The following ANKFN1 variants were observed in gnomAD, a reference collection of about 807,000 sequenced individuals.
ANKFN1 encodes ankyrin repeat and fibronectin type-III domain-containing protein 1.
A neutral mutation model predicts 108.7 loss-of-function variants in ANKFN1; 74 were observed. That is an observed-to-expected ratio of 0.68 (90% confidence interval 0.56 to 0.83). ANKFN1 has a LOEUF of 0.83. ANKFN1 is among the 40% of genes least tolerant of loss of function. The pLI is 0.00. For missense variants in ANKFN1, 1,505 were observed against 1,382.3 expected (o/e 1.09, Z -1.41); for synonymous variants, 547 against 516.2 (o/e 1.06, Z -0.81).
intron 20 of ANKFN1, among the ~76,000 whole-genome samples, chr17:56,499,848 G>T (rs1197972461): frequency 1.3e-5 from 2 of 152,086 alleles, no homozygotes; most frequent in East Asian, 3.9e-4. Context: ...CCATGCTAAG[G>T]CTAGTGCCAT....
chr17:56,120,786 C>T (rs988281396), intron 4 of ANKFN1, among the ~76,000 whole-genome samples: 1 of 152,088 alleles, frequency 6.6e-6, no homozygotes, highest in East Asian at 1.9e-4. Context: ...ATTATCAGCT[C>T]CATTTCTTAA....
intron 8 of ANKFN1, among the ~76,000 whole-genome samples, chr17:56,418,453 TAAAATA>T (rs1598571934): frequency 6.6e-6 from 1 of 151,978 alleles, no homozygotes; most frequent in African/African-American, 2.4e-5. Context: ...AAGAAAAGAG[TAAAATA>T]AAAATGAAAA....
chr17:56,082,753 C>G (rs111810996), intron 4 of ANKFN1, among the ~76,000 whole-genome samples: 18 of 152,282 alleles, frequency 1.2e-4, no homozygotes, highest in African/African-American at 4.1e-4. Flanking sequence ...TCTGGTGAGA[C>G]AACACAATGA....
At chr17:56,406,564 A>G (rs1034003199) in intron 8 of ANKFN1, among the ~76,000 whole-genome samples, 3 of 152,228 alleles carry the variant, frequency 2.0e-5, no homozygotes, top group African/African-American at 7.2e-5. Flanking sequence ...TATTAGAACC[A>G]TAAACCCTCT....
At chr17:56,217,856 C>G (rs2143844636) in intron 2 of ANKFN1, among the ~76,000 whole-genome samples, 1 of 152,032 alleles carries the variant, frequency 6.6e-6, no homozygotes, top group East Asian at 1.9e-4. Flanking sequence ...GTCTGTGTTC[C>G]CTGAAGAATA....
intron 1 of ANKFN1, among the ~76,000 whole-genome samples, chr17:56,180,726 T>C (rs1196277965): frequency 6.6e-6 from 1 of 152,180 alleles, no homozygotes; most frequent in African/African-American, 2.4e-5. Context: ...AAGTTAAAAG[T>C]CAACAGCTAA....
chr17:56,456,895 G>C lies in ANKFN1; in HGVS notation c.1242G>C (p.Gln414His). The C allele has an allele frequency of 6.2e-7, 1 of 1,614,124 alleles. No homozygotes were observed. The highest frequency in any genetic ancestry group is 1.1e-5 in the South Asian group (1 of 91,074). The part of the protein sequence containing the change: ...STKLQTTGRK[Q>H]SVSRSLKHLF... ...AATTACAAACCACAGGCCGCAAGCA[G>C]TCAGTCTCAAGAAGCCTGAAACACC... The change falls in exon 12 of 21, where the codon CAG becomes CAC. Residue 414 changes from glutamine (Q) to histidine (H), a missense_variant. Gln to His is a conservative substitution (Grantham distance 24). Transcript: ENST00000682825.
intron 18 of ANKFN1, among the ~76,000 whole-genome samples, chr17:56,488,380 G>A (rs975070832): frequency 1.3e-5 from 2 of 152,176 alleles, no homozygotes; most frequent in African/African-American, 4.8e-5. Context: ...AGGAGCCAGA[G>A]AGTCTGAATA....
chr17:56,486,954 T>C (rs2050875568), intron 18 of ANKFN1, among the ~76,000 whole-genome samples: 1 of 152,234 alleles, frequency 6.6e-6, no homozygotes, highest in South Asian at 2.1e-4. Context: ...AATAACTTGC[T>C]AACCAGCTAT....
At chr17:56,201,070 C>A (rs1914013655) in intron 1 of ANKFN1, among the ~76,000 whole-genome samples, 1 of 152,182 alleles carries the variant, frequency 6.6e-6, no homozygotes, top group Non-Finnish European at 1.5e-5. Flanking sequence ...TCAAGAGTGA[C>A]CCTTTCTAAA....
chr17:56,334,966 C>T (rs2045765753), intron 4 of ANKFN1, among the ~76,000 whole-genome samples: 1 of 152,074 alleles, frequency 6.6e-6, no homozygotes, highest in African/African-American at 2.4e-5. Context: ...TTTCCAGCAC[C>T]ATTTATTAAA....
At chr17:56,308,412 C>G (rs1160016963) in intron 3 of ANKFN1, among the ~76,000 whole-genome samples, 1 of 151,910 alleles carries the variant, frequency 6.6e-6, no homozygotes, top group Non-Finnish European at 1.5e-5. Flanking sequence ...ATCTTGTGAC[C>G]TTGCTGAACT....
At chr17:56,449,033 T>G in intron 10 of ANKFN1, 46 bp from the exon 11 acceptor site, 11 of 1,553,778 alleles carry the variant, frequency 7.1e-6, no homozygotes, top group Non-Finnish European at 8.9e-6. Context: ...GGAAGAGGCC[T>G]CCCCTGTTTT....
intron 3 of ANKFN1, among the ~76,000 whole-genome samples, chr17:56,288,174 CA>C (rs1324107988): frequency 2.0e-5 from 3 of 151,964 alleles, no homozygotes; most frequent in Non-Finnish European, 4.4e-5. Context: ...AAAAGATATA[CA>C]GAAAAGTCTC....
rs753480992 is a variant in ANKFN1 at position 56,456,927 on chromosome 17, A to C, written c.1274A>C (p.His425Pro). Residue 425 changes from histidine (H) to proline (P), a missense_variant, in exon 12 of 21, where the codon CAT (histidine) becomes CCT (proline). His to Pro is a moderately conservative substitution (Grantham distance 77). Transcript: ENST00000682825. ...TCAAGAAGCCTGAAACACCTGTTCCATTCCTCGAACAAGTTTGTGAAGACC... is the reference window on the plus strand; with the variant it reads ...TCAAGAAGCCTGAAACACCTGTTCCCTTCCTCGAACAAGTTTGTGAAGACC... The part of the protein sequence containing the change: ...SVSRSLKHLF[H>P]SSNKFVKTLK... 4.3e-6 allele frequency: 7 copies of C among 1,614,168 alleles called. No individual in the cohort carries two copies. Among genetic ancestry groups the C allele is most frequent in the Non-Finnish European group, 5.9e-6 (7 of 1,180,006 alleles).
chr17:56,133,573 T>TAC (rs1327542741), intron 4 of ANKFN1, among the ~76,000 whole-genome samples: 1 of 148,790 alleles, frequency 6.7e-6, no homozygotes, highest in East Asian at 2.0e-4. Context: ...TGTGTGTGTG[T>TAC]ACACATATCT....
rs375500106 is a variant in ANKFN1 at position 56,372,269 on chromosome 17, G to A, written c.602-377G>A. On this transcript the variant is annotated intron_variant, in intron 6 of 20. Coordinates refer to ENST00000682825, the MANE Select transcript of ANKFN1 (RefSeq NM_001370326.1). ...CCTAGGGTCTTCCTGGCCATACGGAGTTTTGCCCCTACATGTTTGTCCTTC... is the reference window on the plus strand; with the variant it reads ...CCTAGGGTCTTCCTGGCCATACGGAATTTTGCCCCTACATGTTTGTCCTTC... Among the ~76,000 whole-genome samples the A allele has an allele frequency of 1.3e-4, 20 of 152,280 alleles. No individual in the cohort carries two copies. The South Asian group carries it at 4.1e-3, about 32-fold the overall frequency.
intron 1 of ANKFN1, among the ~76,000 whole-genome samples, chr17:56,209,447 G>GAAGAATGGA (rs2143802481): frequency 6.6e-6 from 1 of 152,288 alleles, no homozygotes; most frequent in African/African-American, 2.4e-5. Flanking sequence ...GAAGGTTAAG[G>GAAGAATGGA]AAGAATGGAA....
intron 1 of ANKFN1, among the ~76,000 whole-genome samples, chr17:56,166,107 G>T (rs1910107924): frequency 6.6e-6 from 1 of 152,094 alleles, no homozygotes; most frequent in African/African-American, 2.4e-5. Flanking sequence ...GGTGCCTAGT[G>T]TGAAGAAAAA....
Sources: allele counts gnomAD v4.1 joint callset (sites outside exome capture counted in the v4.1 genomes callset), GRCh38; gene constraint gnomAD v4.1.1; transcripts MANE v1.5; gene names NCBI Gene and HGNC (gene_info 2026-07-23, HGNC 2026-07-21).